Variants in NTM observed in about 807,000 individuals in gnomAD.
NTM encodes neurotrimin.
A neutral mutation model predicts 42.1 loss-of-function variants in NTM; 13 were observed. The observed-to-expected ratio is 0.31, with a 90% CI of 0.20 to 0.49. The LOEUF (loss-of-function observed/expected upper bound fraction) is 0.49, where lower values mean the gene tolerates loss of function less well. NTM is among the 20% of genes least tolerant of loss of function. The probability of loss-of-function intolerance (pLI) is 0.99; values close to 1 mark genes in which losing one functional copy is unlikely to be tolerated. For synonymous variants in NTM, 187 were observed against 179.2 expected (o/e 1.04, Z -0.35); for missense variants, 373 against 452.8 (o/e 0.82, Z 1.60).
At chr11:132,168,710 C>T (rs2075656855) in intron 3 of NTM, among the ~76,000 whole-genome samples, 1 of 152,182 alleles carries the variant, frequency 6.6e-6, no homozygotes, top group Non-Finnish European at 1.5e-5. Context: ...TGACTCTTCT[C>T]ATTTTTTTGG....
chr11:131,730,442 C>T (rs967844713), intron 1 of NTM, among the ~76,000 whole-genome samples: 2 of 152,026 alleles, frequency 1.3e-5, no homozygotes, highest in East Asian at 3.9e-4. Flanking sequence ...AGGCCAGGTT[C>T]GGTGGCTCAC....
At chr11:131,561,336 C>T (rs1318773036) in intron 1 of NTM, among the ~76,000 whole-genome samples, 1 of 152,206 alleles carries the variant, frequency 6.6e-6, no homozygotes, top group Non-Finnish European at 1.5e-5. Context: ...AACAGCTTAG[C>T]AGTTGGCCCT....
chr11:131,459,151 G>A (rs1350041507), intron 1 of NTM, among the ~76,000 whole-genome samples: 2 of 152,196 alleles, frequency 1.3e-5, no homozygotes, highest in East Asian at 1.9e-4. Context: ...AGACATCTAC[G>A]CCACTCTCAG....
intron 1 of NTM, among the ~76,000 whole-genome samples, chr11:131,661,497 T>G (rs1405855083): frequency 6.6e-6 from 1 of 152,256 alleles, no homozygotes; most frequent in African/African-American, 2.4e-5. Context: ...ATTAAGAAAT[T>G]TTTACTTAAT....
At chr11:131,591,192 C>G (rs1162487870) in intron 1 of NTM, among the ~76,000 whole-genome samples, 1 of 152,230 alleles carries the variant, frequency 6.6e-6, no homozygotes, top group Non-Finnish European at 1.5e-5. Context: ...GCAGGGTTCT[C>G]TGCTCGCTGC....
chr11:131,592,438 A>G (rs986414210), intron 1 of NTM, among the ~76,000 whole-genome samples: 11 of 151,932 alleles, frequency 7.2e-5, no homozygotes, highest in African/African-American at 2.4e-4. Context: ...TTTAGTAAAC[A>G]GGGCAGTGCT....
intron 3 of NTM, among the ~76,000 whole-genome samples, chr11:132,205,450 T>C (rs912537215): frequency 1.3e-5 from 2 of 152,238 alleles, no homozygotes; most frequent in Non-Finnish European, 2.9e-5. Context: ...ATAATTATCT[T>C]ATTTAATTAT....
At chr11:132,326,426 C>T (rs923859296) in intron 7 of NTM, among the ~76,000 whole-genome samples, 17 of 152,138 alleles carry the variant, frequency 1.1e-4, no homozygotes, top group African/African-American at 4.1e-4. Context: ...TGCAGGAAAA[C>T]CAACCAGAAA....
At chr11:131,643,303 G>A (rs541310889) in intron 1 of NTM, among the ~76,000 whole-genome samples, 43 of 152,350 alleles carry the variant, frequency 2.8e-4, no homozygotes, top group African/African-American at 1.0e-3. Flanking sequence ...CCATGTGCCT[G>A]CTTTGTTCTG....
At chr11:132,289,138 A>C (rs531263851) in intron 4 of NTM, among the ~76,000 whole-genome samples, 83 of 152,286 alleles carry the variant, frequency 5.5e-4, no homozygotes, top group Non-Finnish European at 9.7e-4. Context: ...CAGCTGCTTT[A>C]AGATCTGGCA....
In NTM at chr11:132,174,100, G is replaced by T. The variant is rs570836754; in HGVS notation, c.400+27586G>T. ...CAGTGGAAAAAGAGCTTAACTGACTGCTAGAAGACAAAATTTATGTCTTAA... is the reference window on the plus strand; with the variant it reads ...CAGTGGAAAAAGAGCTTAACTGACTTCTAGAAGACAAAATTTATGTCTTAA... On this transcript the variant is annotated intron_variant, in intron 3 of 8. Transcript: ENST00000683400. Among the ~76,000 whole-genome samples, 111 of 152,262 alleles carry T rather than the reference G, an allele frequency of 7.3e-4. 1 individual carries two copies. Among genetic ancestry groups the T allele is most frequent in the Non-Finnish European group, 1.2e-3 (83 of 68,024 alleles).
chr11:131,812,184 CT>C (rs2092760200), intron 1 of NTM, among the ~76,000 whole-genome samples: 1 of 4,408 alleles, frequency 2.3e-4, no homozygotes, highest in South Asian at 2.4e-3. Flanking sequence ...ATTAGTCAGC[CT>C]CTCTCTCTCT....
Position 131,577,235 on chromosome 11 carries a change from C to T in NTM, c.82+206347C>T, listed in dbSNP as rs369197413. Among the ~76,000 whole-genome samples, 19 of 152,214 alleles carry T rather than the reference C, an allele frequency of 1.2e-4. No individual in the cohort carries two copies. The East Asian group carries it at 3.5e-3, about 28-fold the overall frequency. On this transcript the variant is annotated intron_variant, in intron 1 of 8. Transcript: ENST00000683400. Reference sequence around the variant, plus strand: ...TTGAACATACCTTGTAGCTAGAAGGCATCAATAAATATTTGAGGATGGGGA... The same window carrying T: ...TTGAACATACCTTGTAGCTAGAAGGTATCAATAAATATTTGAGGATGGGGA...
intron 7 of NTM, among the ~76,000 whole-genome samples, chr11:132,318,150 A>G (rs1228347274): frequency 6.6e-6 from 1 of 152,188 alleles, no homozygotes; most frequent in Non-Finnish European, 1.5e-5. Flanking sequence ...GAGGATAGGC[A>G]TGGCACTGCA....
At chr11:131,885,504 G>T (rs376973434) in intron 1 of NTM, among the ~76,000 whole-genome samples, 5 of 152,034 alleles carry the variant, frequency 3.3e-5, no homozygotes, top group Admixed American at 3.3e-4. Context: ...TGAAAATCCC[G>T]ATGCACAGGC....
intron 1 of NTM, among the ~76,000 whole-genome samples, chr11:131,456,162 C>G (rs1367676352): frequency 6.6e-6 from 1 of 152,228 alleles, no homozygotes; most frequent in Non-Finnish European, 1.5e-5. Context: ...AAGGAGCTGG[C>G]AAGCTCTGAC....
At chr11:131,688,287 G>A (rs1429825161) in intron 1 of NTM, among the ~76,000 whole-genome samples, 1 of 152,188 alleles carries the variant, frequency 6.6e-6, no homozygotes, top group South Asian at 2.1e-4. Flanking sequence ...CAGCTTGCCC[G>A]TCCTCCTTCC....
At chr11:131,816,204 G>A (rs1037489179) in intron 1 of NTM, among the ~76,000 whole-genome samples, 3 of 152,180 alleles carry the variant, frequency 2.0e-5, no homozygotes, top group South Asian at 4.1e-4. Flanking sequence ...TGAATCCATG[G>A]AGGGAAACCT....
intron 2 of NTM, among the ~76,000 whole-genome samples, chr11:132,046,853 C>T (rs1432084361): frequency 6.6e-6 from 1 of 152,132 alleles, no homozygotes. Context: ...ATCTATCTAC[C>T]ATATATCTAT....
Sources: allele counts gnomAD v4.1 joint callset (sites outside exome capture counted in the v4.1 genomes callset), GRCh38; gene constraint gnomAD v4.1.1; transcripts MANE v1.5; gene names NCBI Gene and HGNC (gene_info 2026-07-23, HGNC 2026-07-21).